Variants in AGO2 observed in about 807,000 individuals in gnomAD.
AGO2 encodes argonaute RISC catalytic component 2, also known as protein argonaute-2.
AGO2 carries 5 observed loss-of-function variants against 102.3 expected under a neutral mutation model. That is an observed-to-expected ratio of 0.05 (90% CI 0.03 to 0.10). The LOEUF (loss-of-function observed/expected upper bound fraction) is 0.10, where lower values mean the gene tolerates loss of function less well. AGO2 is among the 10% of genes least tolerant of loss of function. AGO2 has a pLI of 1.00. For synonymous variants in AGO2, 449 were observed against 473.1 expected (o/e 0.95, Z 0.66); for missense variants, 541 against 1,183.7 (o/e 0.46, Z 7.97).
At chr8:140,553,342 T>C (rs1228745213) in intron 10 of AGO2, among the ~76,000 whole-genome samples, 1 of 151,798 alleles carries the variant, frequency 6.6e-6, no homozygotes, top group Non-Finnish European at 1.5e-5. Context: ...TATGACCGCG[T>C]CACTGCACTG....
rs148575703 is a variant in AGO2, at chr8:140,544,246, G to C, written c.1806C>G (p.Pro602=). ...TGGAGGGCTTCTTCCCATCCCCGGC[G>C]GGGGGGTGAGTGACGTCTGCTCCCA... is the stretch of plus-strand genomic sequence containing the variant. The part of the protein sequence containing the change: ...IFLGADVTHP[P]AGDGKKPSIA... The change falls in exon 14 of 19, where the codon CCC becomes CCG. Residue 602 remains proline, a synonymous_variant. Coordinates refer to ENST00000220592, the MANE Select transcript of AGO2 (RefSeq NM_012154.5). The C allele has an allele frequency of 1.4e-5, 22 of 1,592,206 alleles. No individual in the cohort carries two copies. The Admixed American group carries it at 1.4e-4, about 10-fold the overall frequency.
At chr8:140,568,518 C>T (rs1390647277) in intron 3 of AGO2, among the ~76,000 whole-genome samples, 3 of 152,210 alleles carry the variant, frequency 2.0e-5, no homozygotes, top group East Asian at 1.9e-4. Flanking sequence ...CTCCCTGGGG[C>T]GGCAGGAAGA....
Position 140,544,228 on chromosome 8 carries a change from C to T in AGO2, c.1824G>A (p.Lys608=). ...TGACACTCACGGCGGCAATGGAGGG[C>T]TTCTTCCCATCCCCGGCGGGGGGGT... is the stretch of plus-strand genomic sequence containing the variant. ...VTHPPAGDGK[K]PSIAAVVGSM... is the part of the protein sequence containing the mutation. The change falls in exon 14 of 19, where the codon AAG becomes AAA. Residue 608 remains lysine (K), a synonymous_variant. Coordinates refer to ENST00000220592, the MANE Select transcript of AGO2 (RefSeq NM_012154.5). 1 of 1,592,708 alleles carries T rather than the reference C, an allele frequency of 6.3e-7. No individual in the cohort carries two copies. Among genetic ancestry groups the T allele is most frequent in the Non-Finnish European group, 8.5e-7 (1 of 1,172,362 alleles).
chr8:140,558,213 C>T (rs769034817), intron 7 of AGO2, among the ~76,000 whole-genome samples: 13 of 152,228 alleles, frequency 8.5e-5, no homozygotes, highest in Non-Finnish European at 1.3e-4. Context: ...ACACAAAAGA[C>T]CCTTCTCTCC....
intron 1 of AGO2, among the ~76,000 whole-genome samples, chr8:140,588,480 C>G (rs973054739): frequency 6.6e-6 from 1 of 151,710 alleles, no homozygotes; most frequent in Non-Finnish European, 1.5e-5. Flanking sequence ...AAAATGCTGA[C>G]AGAGACACTA....
chr8:140,632,601 G>T (rs556653579), intron 1 of AGO2, among the ~76,000 whole-genome samples: 2 of 152,322 alleles, frequency 1.3e-5, no homozygotes, highest in South Asian at 2.1e-4. Context: ...TATCCTGGGG[G>T]CAGGCAATCA....
At chr8:140,639,282 C>A (rs534406018), upstream of AGO2, among the ~76,000 whole-genome samples, 4 of 152,238 alleles carry the variant, frequency 2.6e-5, no homozygotes, top group Admixed American at 2.0e-4. Flanking sequence ...GAGATAGAGA[C>A]CATCCTGGCT....
At chr8:140,560,309 G>A (rs2073177327) in intron 5 of AGO2, 65 bp downstream of exon 5, 5 of 1,574,532 alleles carry the variant, frequency 3.2e-6, no homozygotes, top group East Asian at 4.5e-5. Flanking sequence ...CCCCCGACCG[G>A]GGTCCTGACC....
chr8:140,535,687 G>A, intron 16 of AGO2, 118 bp from the exon 17 acceptor site: 1 of 828,814 alleles, frequency 1.2e-6, no homozygotes, highest in East Asian at 2.5e-5. Context: ...TTTTAAATTG[G>A]CTAATACAGG....
Position 140,532,409 on chromosome 8 carries a change from C to T in AGO2, c.2471+7G>A, listed in dbSNP as rs747385624. On this transcript the variant is annotated splice_region_variant and intron_variant, in intron 18 of 18. Transcript: ENST00000220592. ...TGCTGTGACCTCCAGCCAGGCATGC[C>T]ACTCACCTGTCATGTTCCTTATCCA... 3.1e-6 allele frequency: 5 copies of T among 1,609,696 alleles called. No individual in the cohort carries two copies. The highest frequency in any genetic ancestry group is 3.3e-5 in the Admixed American group (2 of 59,704).
In AGO2 at chr8:140,524,625, GCA is replaced by G. The variant is rs2072469363; in HGVS notation, c.*7417_*7418del. Reference sequence around the variant, plus strand: ...GGACACTGAGGACCGGACTTTAAAGGCACAGAGTCTGAGACTGGGTCTTCCAG... The same window carrying G: ...GGACACTGAGGACCGGACTTTAAAGGCAGAGTCTGAGACTGGGTCTTCCAG... On this transcript the variant is annotated 3_prime_UTR_variant, in exon 19 of 19. Transcript: ENST00000220592. The G allele has an allele frequency of 6.6e-6, 1 of 152,346 alleles. No individual in the cohort carries two copies. The highest frequency in any genetic ancestry group is 2.4e-5 in the African/African-American group (1 of 41,436). The allele number at this position is 152,346 out of a possible 1,614,324, so 9.4% of individuals were successfully genotyped here.
rs6997796 is a variant in AGO2, at chr8:140,580,102, C to A, written c.215+5017G>T. Among the ~76,000 whole-genome samples, 1,486 of 152,352 alleles carry A rather than the reference C, an allele frequency of 9.8e-3. 16 individuals are homozygous for A. The highest frequency in any genetic ancestry group is 0.034 in the African/African-American group (1,407 of 41,582). The stretch of plus-strand genomic sequence containing the variant: ...CAAGGCTTAGGTCGTGTGGGCCTTG[C>A]CCCCATTCTTTCTCGGGGCTGGCTC... On this transcript the variant is annotated intron_variant, in intron 2 of 18. Coordinates refer to ENST00000220592, the MANE Select transcript of AGO2 (RefSeq NM_012154.5).
the AGO2 span, among the ~76,000 whole-genome samples, chr8:140,640,809 A>G: frequency 1.1e-4 from 16 of 152,234 alleles, no homozygotes; most frequent in South Asian, 2.1e-4. Context: ...GTGAGCCACC[A>G]CGCCTGGCCC....
intron 1 of AGO2, among the ~76,000 whole-genome samples, chr8:140,607,619 G>T (rs1259535139): frequency 1.3e-5 from 2 of 151,696 alleles, no homozygotes; most frequent in Non-Finnish European, 2.9e-5. Context: ...AAAGGAATGG[G>T]GCACTGGCAC....
intron 1 of AGO2, among the ~76,000 whole-genome samples, chr8:140,610,330 G>A (rs2074059743): frequency 6.6e-6 from 1 of 152,100 alleles, no homozygotes; most frequent in African/African-American, 2.4e-5. Flanking sequence ...AAGCACTTCT[G>A]CCTCAGCCTC....
At chr8:140,623,857 T>C (rs538538135) in intron 1 of AGO2, among the ~76,000 whole-genome samples, 1 of 149,482 alleles carries the variant, frequency 6.7e-6, no homozygotes, top group Non-Finnish European at 1.5e-5. Context: ...GGTAAGCGAG[T>C]TTCAACATGC....
chr8:140,586,768 C>T (rs1224047909), intron 1 of AGO2, among the ~76,000 whole-genome samples: 1 of 152,190 alleles, frequency 6.6e-6, no homozygotes, highest in Admixed American at 6.5e-5. Context: ...CAACACGTGG[C>T]CCTGTTCTCA....
At chr8:140,550,449 C>G (rs1219207338) in intron 11 of AGO2, among the ~76,000 whole-genome samples, 1 of 152,234 alleles carries the variant, frequency 6.6e-6, no homozygotes, top group East Asian at 1.9e-4. Flanking sequence ...GGCGAGCATC[C>G]TGGGTGAGGG....
intron 10 of AGO2, among the ~76,000 whole-genome samples, chr8:140,553,027 G>C (rs1473066513): frequency 2.0e-5 from 3 of 152,246 alleles, no homozygotes; most frequent in Non-Finnish European, 4.4e-5. Context: ...GGGGTAGGTA[G>C]AGTAGGGGAC....
Sources: gnomAD v4.1 joint callset for allele counts (sites outside exome capture counted in the v4.1 genomes callset) on GRCh38, gnomAD v4.1.1 for gene constraint, MANE v1.5 for transcripts, NCBI Gene and HGNC (gene_info 2026-07-23, HGNC 2026-07-21) for gene names.